SLC6A5: variants seen among roughly 807,000 people sequenced by gnomAD.
SLC6A5 encodes sodium- and chloride-dependent glycine transporter 2.
SLC6A5 carries 58 observed loss-of-function variants against 90.5 expected under a neutral mutation model. The observed-to-expected ratio is 0.64, with a 90% CI of 0.52 to 0.80. The LOEUF is 0.80. SLC6A5 is among the 30% of genes least tolerant of loss of function. SLC6A5 has a pLI of 0.00. For synonymous variants in SLC6A5, 427 were observed against 401.4 expected, an observed-to-expected ratio of 1.06 and a Z score of -0.76; for missense variants, 1,015 against 1,017.6, an observed-to-expected ratio of 1.00 and a Z score of 0.03.
intron 14 of SLC6A5, among the ~76,000 whole-genome samples, chr11:20,650,655 CTTTTTTTTTTTTTTTTTT>C (rs55849528): frequency 5.0e-5 from 4 of 79,844 alleles, no homozygotes; most frequent in East Asian, 8.1e-4. Context: ...GACGCCTGTT[CTTTTTTTTTTTTTTTTTT>C]TTTTTTTTTT....
rs776917113 is a variant in SLC6A5 at position 20,626,686 on chromosome 11, C to A, written c.1261-22C>A. ...CTCTGCAGGGCTGCTTCTTCCAGCCCCTCTGCCCATGGCTTTTCTAGGTGG... is the reference window on the plus strand; with the variant it reads ...CTCTGCAGGGCTGCTTCTTCCAGCCACTCTGCCCATGGCTTTTCTAGGTGG... On this transcript the variant is annotated intron_variant, in intron 7 of 15. Coordinates refer to ENST00000525748, the MANE Select transcript of SLC6A5 (RefSeq NM_004211.5). The A allele has an allele frequency of 1.9e-6, 3 of 1,613,676 alleles. No individual in the cohort carries two copies. In the Admixed American group the frequency reaches 5.0e-5, roughly 27 times the overall value.
chr11:20,621,479 G>A (rs1565278478), intron 7 of SLC6A5, among the ~76,000 whole-genome samples: 1 of 152,190 alleles, frequency 6.6e-6, no homozygotes, highest in African/African-American at 2.4e-5. Flanking sequence ...GAGCAGATAT[G>A]TTTTTCATTT....
chr11:20,636,401 T>C lies in SLC6A5; in HGVS notation c.1719T>C (p.Thr573=). The C allele has an allele frequency of 6.2e-7, 1 of 1,609,142 alleles. No individual in the cohort carries two copies. Among genetic ancestry groups the C allele is most frequent in the Non-Finnish European group, 8.5e-7 (1 of 1,175,436 alleles). The part of the protein sequence containing the change: ...WAIIFFLMLL[T]LGLDTMFATI... ...TCATCTTTTTCCTGATGCTCCTCAC[T>C]CTTGGACTTGACACTATGGTGAGCC... Residue 573 remains threonine (T), a synonymous_variant, in exon 11 of 16, where the codon ACT becomes ACC. Coordinates refer to ENST00000525748, the MANE Select transcript of SLC6A5 (RefSeq NM_004211.5).
At chr11:20,602,803 C>A (rs76914125) in intron 2 of SLC6A5, among the ~76,000 whole-genome samples, 1 of 152,214 alleles carries the variant, frequency 6.6e-6, no homozygotes, top group African/African-American at 2.4e-5. Flanking sequence ...CCTTTCCTTT[C>A]GGGGTCCACA....
intron 14 of SLC6A5, among the ~76,000 whole-genome samples, 189 bp from the exon 15 acceptor site, chr11:20,652,100 G>C (rs1853544559): frequency 6.6e-6 from 1 of 152,086 alleles, no homozygotes; most frequent in Non-Finnish European, 1.5e-5. Flanking sequence ...CAGCAGCTCA[G>C]AATATATCAT....
intron 8 of SLC6A5, among the ~76,000 whole-genome samples, chr11:20,627,741 G>A (rs1853026457): frequency 6.6e-6 from 1 of 152,198 alleles, no homozygotes; most frequent in Non-Finnish European, 1.5e-5. Flanking sequence ...AGCATGGTAT[G>A]TAGTGTAGTT....
chr11:20,648,380 G>A (rs1853463122), intron 14 of SLC6A5, among the ~76,000 whole-genome samples: 2 of 152,014 alleles, frequency 1.3e-5, no homozygotes, highest in Non-Finnish European at 2.9e-5. Flanking sequence ...AGCTAGAAAT[G>A]TAGACAGAAA....
At position 20,658,927 on chromosome 11, in the gene SLC6A5, T is replaced by C. The variant is rs1328574739; in HGVS notation, c.*4059T>C. 4 of 152,162 alleles carry C rather than the reference T, an allele frequency of 2.6e-5. No individual in the cohort carries two copies. Among genetic ancestry groups the C allele is most frequent in the African/African-American group, 9.7e-5 (4 of 41,450 alleles). 9.4% of individuals were successfully genotyped at this position (152,162 alleles called of 1,614,324 possible). A position where few individuals can be genotyped will look rare whatever the true frequency, so the allele number is the denominator to read the frequency against. ...ATTCTTACATTGTGTACTTGGCTAA[T>C]GTCCTAAATGCAGGCATCTTTTGTG... On this transcript the variant is annotated 3_prime_UTR_variant, in exon 16 of 16. Transcript: ENST00000525748.
intron 5 of SLC6A5, among the ~76,000 whole-genome samples, chr11:20,612,260 T>C (rs1852708563): frequency 6.6e-6 from 1 of 152,176 alleles, no homozygotes; most frequent in Admixed American, 6.5e-5. Flanking sequence ...ACAATGATGA[T>C]TGAGTTATGG....
intron 14 of SLC6A5, among the ~76,000 whole-genome samples, chr11:20,647,306 A>ATTATATAG (rs1323775372): frequency 6.9e-6 from 1 of 144,496 alleles, no homozygotes; most frequent in African/African-American, 2.5e-5. Context: ...AGGAATTCCT[A>ATTATATAG]TTATATAGTT....
At chr11:20,652,208 C>T in intron 14 of SLC6A5, 81 bp from the exon 15 acceptor site, 1 of 1,291,030 alleles carries the variant, frequency 7.7e-7, no homozygotes, top group Admixed American at 1.7e-5. Flanking sequence ...GCATCAAACT[C>T]ATAACGGGGG....
At chr11:20,619,335 A>T (rs1328076451) in intron 7 of SLC6A5, among the ~76,000 whole-genome samples, 1 of 152,228 alleles carries the variant, frequency 6.6e-6, no homozygotes, top group South Asian at 2.1e-4. Context: ...CTCCCTGGGG[A>T]CATGGACATT....
intron 5 of SLC6A5, among the ~76,000 whole-genome samples, chr11:20,613,065 T>C (rs1238350654): frequency 6.6e-6 from 1 of 152,212 alleles, no homozygotes; most frequent in Non-Finnish European, 1.5e-5. Flanking sequence ...TGTTTGAATT[T>C]ATAATCCCTG....
intron 5 of SLC6A5, among the ~76,000 whole-genome samples, chr11:20,608,711 G>A (rs1252030629): frequency 6.6e-6 from 1 of 152,146 alleles, no homozygotes; most frequent in Admixed American, 6.5e-5. Context: ...GCTGAGACCA[G>A]CTTCCTGTGA....
Position 20,608,877 on chromosome 11 carries a change from T to C in SLC6A5, c.985+1225T>C, listed in dbSNP as rs144115323. The stretch of plus-strand genomic sequence containing the variant: ...AGATGACATTTTTTTCTGCATTTTC[T>C]GCCATGAACATGTGTTTATAGTCTC... On this transcript the variant is annotated intron_variant, in intron 5 of 15. Transcript: ENST00000525748. Among the ~76,000 whole-genome samples the C allele has an allele frequency of 1.1e-4, 17 of 149,456 alleles. No individual in the cohort carries two copies. The East Asian group carries it at 3.6e-3, about 32-fold the overall frequency.
rs182858713 is a variant in SLC6A5, at chr11:20,642,879, G to A, written c.1970-3955G>A. On this transcript the variant is annotated intron_variant, in intron 13 of 15. Transcript: ENST00000525748. Reference sequence around the variant, plus strand: ...TGCGTGACAGGGGAAATGTCTTTCCGGGGTCCAAACTGGCCCTGAAACCCA... The same window carrying A: ...TGCGTGACAGGGGAAATGTCTTTCCAGGGTCCAAACTGGCCCTGAAACCCA... 3.0e-3 allele frequency among the ~76,000 whole-genome samples: 463 copies of A among 152,296 alleles called. 4 individuals carry two copies. Among genetic ancestry groups the A allele is most frequent in the African/African-American group, 0.011 (446 of 41,576 alleles).
At chr11:20,604,483 G>T (rs1467777620) in intron 3 of SLC6A5, 59 bp downstream of exon 3, 2 of 1,595,646 alleles carry the variant, frequency 1.3e-6, no homozygotes, top group Non-Finnish European at 1.7e-6. Context: ...TGAGGGTTGG[G>T]TGGGACAGGA....
chr11:20,634,541 G>A (rs1282372641), intron 10 of SLC6A5, among the ~76,000 whole-genome samples: 4 of 152,188 alleles, frequency 2.6e-5, no homozygotes, highest in East Asian at 3.9e-4. Flanking sequence ...TCTTCTTGTC[G>A]GCTTTACGGG....
intron 12 of SLC6A5, among the ~76,000 whole-genome samples, chr11:20,637,965 T>A (rs1853241538): frequency 1.3e-5 from 2 of 152,054 alleles, no homozygotes; most frequent in Admixed American, 1.3e-4. Flanking sequence ...TGTAAAATAA[T>A]GGATTGGAAT....
Sources: gnomAD v4.1 joint callset for allele counts (sites outside exome capture counted in the v4.1 genomes callset) on GRCh38, gnomAD v4.1.1 for gene constraint, MANE v1.5 for transcripts, NCBI Gene and HGNC (gene_info 2026-07-23, HGNC 2026-07-21) for gene names.